Variants in ANXA10 observed in about 807,000 individuals in gnomAD.
ANXA10 encodes annexin 14.
ANXA10 carries 49 observed loss-of-function variants against 53.5 expected under a neutral mutation model. The ratio of observed to expected loss-of-function variants is 0.92; its 90% CI spans 0.73 to 1.16. The LOEUF (loss-of-function observed/expected upper bound fraction) is 1.16. Ranked by LOEUF, ANXA10 falls within the 50% of genes most tolerant of loss-of-function variation. The probability of loss-of-function intolerance (pLI) is 0.00; values close to 1 mark genes in which losing one functional copy is unlikely to be tolerated. For missense variants in ANXA10, 393 were observed against 394.4 expected (o/e 1.00, Z 0.03); for synonymous variants, 131 against 128.9 (o/e 1.02, Z -0.11).
intron 3 of ANXA10, among the ~76,000 whole-genome samples, chr4:168,160,518 T>C (rs1731763353): frequency 6.6e-6 from 1 of 152,180 alleles, no homozygotes; most frequent in South Asian, 2.1e-4. Flanking sequence ...GCGATGAACA[T>C]ACACATGCAT....
intron 4 of ANXA10, among the ~76,000 whole-genome samples, chr4:168,163,357 A>G (rs745691453): frequency 3.9e-5 from 6 of 152,178 alleles, no homozygotes; most frequent in Non-Finnish European, 7.4e-5. Flanking sequence ...CAATGACCAG[A>G]TTACCACAAT....
intron 2 of ANXA10, among the ~76,000 whole-genome samples, chr4:168,128,619 T>G (rs1731110323): frequency 6.6e-6 from 1 of 152,178 alleles, no homozygotes; most frequent in African/African-American, 2.4e-5. Flanking sequence ...CTTCTCTGCC[T>G]GGAATGTTAT....
At position 168,145,075 on chromosome 4, in the gene ANXA10, C is replaced by A. The variant is rs543176945; in HGVS notation, c.195+5495C>A. Among the ~76,000 whole-genome samples, 9 of 152,202 alleles carry A rather than the reference C, an allele frequency of 5.9e-5. No individual in the cohort carries two copies. In the South Asian group the frequency reaches 1.0e-3, roughly 18 times the overall value. On this transcript the variant is annotated intron_variant, in intron 3 of 11. Transcript: ENST00000359299. ...GTACAGAAATGAAATCATAGGGAGT[C>A]AAAGCTGTCCTCCTCCACTGAGTCA...
chr4:168,143,932 C>A (rs1472767498), intron 3 of ANXA10, among the ~76,000 whole-genome samples: 2 of 152,120 alleles, frequency 1.3e-5, no homozygotes, highest in African/African-American at 4.8e-5. Context: ...TCTATACTGC[C>A]AAATCCCTCA....
At chr4:168,184,416 C>T in intron 10 of ANXA10, 143 bp from the exon 11 acceptor site, 1 of 915,970 alleles carries the variant, frequency 1.1e-6, no homozygotes, top group Non-Finnish European at 1.7e-6. Flanking sequence ...ATCTGAACCA[C>T]AGCCTGTGTG....
At chr4:168,114,801 G>A (rs1730866180) in intron 1 of ANXA10, among the ~76,000 whole-genome samples, 1 of 152,186 alleles carries the variant, frequency 6.6e-6, no homozygotes, top group Admixed American at 6.5e-5. Context: ...CTCCAACCAT[G>A]TGCCTGCCGA....
chr4:168,098,587 TAA>T (rs1730588440), intron 1 of ANXA10, among the ~76,000 whole-genome samples: 1 of 151,342 alleles, frequency 6.6e-6, no homozygotes, highest in Non-Finnish European at 1.5e-5. Context: ...CAGCTTCTTC[TAA>T]ATAGTCTCCA....
chr4:168,111,807 T>C (rs1560960293), intron 1 of ANXA10, among the ~76,000 whole-genome samples: 1 of 152,208 alleles, frequency 6.6e-6, no homozygotes, highest in African/African-American at 2.4e-5. Flanking sequence ...GTTCACTGAA[T>C]TTAAATATTA....
intron 3 of ANXA10, among the ~76,000 whole-genome samples, chr4:168,148,754 T>A (rs1731446911): frequency 6.6e-6 from 1 of 152,186 alleles, no homozygotes. Flanking sequence ...TCTATGTTTC[T>A]GATTTCGATG....
rs145194962 is a variant in ANXA10, at chr4:168,173,166, G to T, written c.481-4574G>T. On this transcript the variant is annotated intron_variant, in intron 6 of 11. Coordinates refer to ENST00000359299, the MANE Select transcript of ANXA10 (RefSeq NM_007193.5). The stretch of plus-strand genomic sequence containing the variant: ...TGAGCAAAAATATGGATAAAAGAAT[G>T]AGTTAACAAATAAATCAATGTGATA... Among the ~76,000 whole-genome samples the T allele has an allele frequency of 4.4e-3, 671 of 152,258 alleles. 3 individuals are homozygous for T. The highest frequency in any genetic ancestry group is 0.015 in the African/African-American group (616 of 41,544).
chr4:168,161,897 T>C (rs1002786874), intron 3 of ANXA10, among the ~76,000 whole-genome samples: 7 of 152,188 alleles, frequency 4.6e-5, no homozygotes, highest in African/African-American at 4.8e-5. Flanking sequence ...AGAGCATATA[T>C]ATATTTTTAA....
In ANXA10 at chr4:168,137,153, G is replaced by T. The variant is rs149642583; in HGVS notation, c.101-2333G>T. Among the ~76,000 whole-genome samples, 1,026 of 152,236 alleles carry T rather than the reference G, an allele frequency of 6.7e-3. 8 individuals are homozygous for T. The highest frequency in any genetic ancestry group is 0.023 in the African/African-American group (972 of 41,532). On this transcript the variant is annotated intron_variant, in intron 2 of 11. Coordinates refer to ENST00000359299, the MANE Select transcript of ANXA10 (RefSeq NM_007193.5). ...GATCTAAATCCAAATATCAGATGTT[G>T]CTCCCATTTAAACACTAATCAGCTT...
intron 3 of ANXA10, among the ~76,000 whole-genome samples, chr4:168,144,950 A>G (rs1211332905): frequency 6.6e-6 from 1 of 152,162 alleles, no homozygotes. Flanking sequence ...CAGGAGTTCT[A>G]TTATCACTCA....
chr4:168,132,837 C>A (rs1290084880), intron 2 of ANXA10, among the ~76,000 whole-genome samples: 1 of 151,954 alleles, frequency 6.6e-6, no homozygotes, highest in Non-Finnish European at 1.5e-5. Flanking sequence ...GCCTAGGAGG[C>A]CACTTTTACC....
intron 6 of ANXA10, among the ~76,000 whole-genome samples, chr4:168,175,861 T>C (rs2149480257): frequency 6.6e-6 from 1 of 152,328 alleles, no homozygotes; most frequent in African/African-American, 2.4e-5. Context: ...AATGGTAGCT[T>C]ACTTATTTCT....
intron 3 of ANXA10, among the ~76,000 whole-genome samples, chr4:168,155,769 ATATCATATATTATATAT>A (rs1374258218): frequency 8.9e-5 from 2 of 22,448 alleles, no homozygotes; most frequent in Non-Finnish European, 1.4e-4. Flanking sequence ...AATATATGAT[ATATCATATATTATATAT>A]TATATATAAT....
chr4:168,170,227 T>G (rs1199312743), intron 6 of ANXA10, among the ~76,000 whole-genome samples: 1 of 152,214 alleles, frequency 6.6e-6, no homozygotes, highest in Non-Finnish European at 1.5e-5. Flanking sequence ...CAGGATGAAC[T>G]ATTACTTTTT....
At chr4:168,094,507 G>A (rs1031479929) in intron 1 of ANXA10, among the ~76,000 whole-genome samples, 3 of 151,972 alleles carry the variant, frequency 2.0e-5, no homozygotes, top group South Asian at 2.1e-4. Context: ...CTCTTTAATC[G>A]GATGTTCTCA....
rs1423882288 is a variant in ANXA10, at chr4:168,155,474, A to AT, written c.196-7054_196-7053insT. 1.2e-4 allele frequency among the ~76,000 whole-genome samples: 2 copies of AT among 16,302 alleles called. 1 individual carries two copies. Among genetic ancestry groups the AT allele is most frequent in the African/African-American group, 8.5e-4 (2 of 2,352 alleles). The allele number at this position is 16,302 out of a possible 152,430, so 10.7% of individuals were successfully genotyped here. On this transcript the variant is annotated intron_variant, in intron 3 of 11. Coordinates refer to ENST00000359299, the MANE Select transcript of ANXA10 (RefSeq NM_007193.5). Reference sequence around the variant, plus strand: ...TATATATTTTATAATATATAATTATAAATTATATATTATATAATATATAAT... The same window carrying AT: ...TATATATTTTATAATATATAATTATATAATTATATATTATATAATATATAAT...
Sources: allele counts gnomAD v4.1 joint callset (sites outside exome capture counted in the v4.1 genomes callset), GRCh38; gene constraint gnomAD v4.1.1; transcripts MANE v1.5; gene names NCBI Gene and HGNC (gene_info 2026-07-23, HGNC 2026-07-21).